Variants in FBXW11 observed in about 807,000 individuals in gnomAD.
FBXW11 encodes the protein F-box and WD repeat domain containing 11, also known as F-box/WD repeat-containing protein 11.
FBXW11 carries 19 observed loss-of-function variants against 77.6 expected under a neutral mutation model. The observed-to-expected ratio is 0.24, with a 90% CI of 0.17 to 0.36. The LOEUF (loss-of-function observed/expected upper bound fraction) is 0.36, where lower values mean the gene tolerates loss of function less well. Among genes scored for constraint, FBXW11 ranks in the 10% least tolerant of loss-of-function variants. The pLI is 1.00. For synonymous variants in FBXW11, 235 were observed against 249.4 expected, an observed-to-expected ratio of 0.94 and a Z score of 0.54; for missense variants, 334 against 704.2, an observed-to-expected ratio of 0.47 and a Z score of 5.95.
At position 172,006,554 on chromosome 5, in the gene FBXW11, GGGCGGAGGAGGCGAC is replaced by G. The variant is rs775718883; in HGVS notation, c.-67_-53del. On this transcript the variant is annotated 5_prime_UTR_variant, in exon 1 of 14. Coordinates refer to ENST00000517395, the MANE Select transcript of FBXW11 (RefSeq NM_001378974.1). ...CTCCCCGCGCAGCAGCGAACGGCCCGGGCGGAGGAGGCGACGGCGGAGGCGGCAGAGGCGGAGGCG... is the reference window on the plus strand; with the variant it reads ...CTCCCCGCGCAGCAGCGAACGGCCCGGGCGGAGGCGGCAGAGGCGGAGGCG... 1.7e-5 allele frequency: 25 copies of G among 1,460,488 alleles called. No individual in the cohort carries two copies. The African/African-American group carries it at 3.2e-4, about 19-fold the overall frequency. The allele number at this position is 1,460,488 out of a possible 1,614,324, so 90.5% of individuals were successfully genotyped here. A position where few individuals can be genotyped will look rare whatever the true frequency, so the allele number is the denominator to read the frequency against.
chr5:171,870,680 A>G, intron 11 of FBXW11, 68 bp downstream of exon 11: 1 of 1,194,014 alleles, frequency 8.4e-7, no homozygotes, highest in Non-Finnish European at 1.2e-6. Context: ...AGAGTTGCTT[A>G]ATATATAACA....
At chr5:171,942,657 G>C (rs1762809849) in intron 2 of FBXW11, among the ~76,000 whole-genome samples, 3 of 152,140 alleles carry the variant, frequency 2.0e-5, no homozygotes, top group Admixed American at 2.0e-4. Flanking sequence ...AAAAACACTA[G>C]CCAGGCGTGG....
chr5:171,899,948 G>T lies in FBXW11; in HGVS notation c.589C>A (p.Pro197Thr). The part of the protein sequence containing the change: ...KLIERMVRTD[P>T]LWKGLSERRG... ...CTTTCTGAAAGTCCTTTCCATAGGG[G>T]ATCAGTGCGTACCATTCGTTCAATC... Residue 197 changes from proline (P) to threonine (T), a missense_variant, in exon 5 of 14, where the codon CCC becomes ACC. This residue lies in a region of FBXW11 where 56 missense variants were observed against 144.9 expected (regional missense o/e 0.39). Coordinates refer to ENST00000517395, the MANE Select transcript of FBXW11 (RefSeq NM_001378974.1). The T allele has an allele frequency of 6.2e-7, 1 of 1,612,674 alleles. No individual in the cohort carries two copies. Among genetic ancestry groups the T allele is most frequent in the South Asian group, 1.1e-5 (1 of 90,770 alleles).
Position 171,869,723 on chromosome 5 carries a change from A to T in FBXW11, c.1530+6T>A, listed in dbSNP as rs769628453. ...GAACCAATTCCCGTCTCAAGAGATC[A>T]CATACCACCAATGTGCGCAAACACA... is the stretch of plus-strand genomic sequence containing the variant. On this transcript the variant is annotated splice_donor_region_variant and intron_variant, in intron 12 of 13. Coordinates refer to ENST00000517395, the MANE Select transcript of FBXW11 (RefSeq NM_001378974.1). This position sits in a 1 kb window ranked among gnomAD's most constrained non-coding sequence, Gnocchi z 4.1. 2.5e-6 allele frequency: 4 copies of T among 1,604,746 alleles called. No individual in the cohort carries two copies. The highest frequency in any genetic ancestry group is 2.6e-6 in the Non-Finnish European group (3 of 1,174,876).
chr5:171,913,307 T>C (rs1281678876), intron 3 of FBXW11, among the ~76,000 whole-genome samples: 1 of 152,220 alleles, frequency 6.6e-6, no homozygotes, highest in African/African-American at 2.4e-5. Context: ...CTGGCCTCCC[T>C]AGAGTGTTTG....
Position 171,868,782 on chromosome 5 carries a change from A to T in FBXW11, c.1545T>A (p.Arg515=), listed in dbSNP as rs774617023. 6.2e-7 allele frequency: 1 copy of T among 1,613,614 alleles called. No individual in the cohort carries two copies. The highest frequency in any genetic ancestry group is 1.1e-5 in the South Asian group (1 of 91,030). Residue 515 remains arginine, a synonymous_variant, in exon 13 of 14, where the codon CGT becomes CGA. Coordinates refer to ENST00000517395, the MANE Select transcript of FBXW11 (RefSeq NM_001378974.1). ...CLRTLVEHSG[R]VFRLQFDEFQ... ...ACTCATCAAACTGGAGCCGAAACAC[A>T]CGTCCAGAATGTTCCTATGAAATAC...
chr5:171,994,868 T>C (rs1011227770), intron 1 of FBXW11, among the ~76,000 whole-genome samples: 45 of 152,026 alleles, frequency 3.0e-4, no homozygotes, highest in African/African-American at 1.1e-3. Context: ...CGAAACCCCA[T>C]CCCTACTAAA....
In FBXW11 at chr5:171,868,813, T is replaced by C; in HGVS notation, c.1531-17A>G. ...AGAATGTTCCTATGAAATACAAAAC[T>C]TCATGAATAAAATGAGATCTTTACA... On this transcript the variant is annotated splice_polypyrimidine_tract_variant and intron_variant, in intron 12 of 13. Coordinates refer to ENST00000517395, the MANE Select transcript of FBXW11 (RefSeq NM_001378974.1). 3 of 1,604,282 alleles carry C rather than the reference T, an allele frequency of 1.9e-6. No individual in the cohort carries two copies. The highest frequency in any genetic ancestry group is 1.7e-6 in the Non-Finnish European group (2 of 1,175,944).
intron 2 of FBXW11, among the ~76,000 whole-genome samples, chr5:171,937,421 C>T (rs1295155694): frequency 3.3e-5 from 5 of 152,128 alleles, no homozygotes; most frequent in Admixed American, 3.3e-4. Flanking sequence ...ATATTTTGAG[C>T]TTTGCAGGAC....
At chr5:171,967,373 T>A (rs902533650) in intron 1 of FBXW11, among the ~76,000 whole-genome samples, 1 of 152,204 alleles carries the variant, frequency 6.6e-6, no homozygotes, top group African/African-American at 2.4e-5. Flanking sequence ...AGACAAACTA[T>A]TGTGTTTCTG....
intron 1 of FBXW11, among the ~76,000 whole-genome samples, chr5:172,004,347 C>T (rs1057159057): frequency 1.2e-4 from 19 of 152,250 alleles, no homozygotes; most frequent in Admixed American, 1.2e-3. Context: ...TATAACTAAA[C>T]TCTGTTAAAT....
intron 1 of FBXW11, among the ~76,000 whole-genome samples, chr5:171,963,335 C>T (rs1383664218): frequency 3.9e-5 from 6 of 152,096 alleles, no homozygotes; most frequent in African/African-American, 1.4e-4. Context: ...AAGAAGAATA[C>T]ATAGCATAAG....
At chr5:171,873,123 A>C (rs1757855976) in intron 9 of FBXW11, 133 bp from the exon 10 acceptor site, 7 of 739,162 alleles carry the variant, frequency 9.5e-6, no homozygotes, top group East Asian at 5.5e-5. Context: ...CCTCTAACTC[A>C]AAGTTGGGAG....
chr5:171,928,906 C>T (rs1302091852), intron 2 of FBXW11, among the ~76,000 whole-genome samples: 1 of 150,246 alleles, frequency 6.7e-6, no homozygotes, highest in Non-Finnish European at 1.5e-5. Flanking sequence ...ACCCCCGTCT[C>T]TACTAAAAAT....
intron 8 of FBXW11, among the ~76,000 whole-genome samples, chr5:171,877,541 A>G (rs1180237163): frequency 1.3e-5 from 2 of 152,116 alleles, no homozygotes; most frequent in Non-Finnish European, 2.9e-5. Context: ...AAGTTCACAT[A>G]GGGCAGAGGG....
At chr5:171,938,376 C>CA (rs1005184399) in intron 2 of FBXW11, among the ~76,000 whole-genome samples, 1 of 152,022 alleles carries the variant, frequency 6.6e-6, no homozygotes, top group Non-Finnish European at 1.5e-5. Flanking sequence ...AACAGATTTT[C>CA]AAAAAACATA....
Position 171,862,409 on chromosome 5 carries a change from A to G in FBXW11, c.*1718T>C, listed in dbSNP as rs191316262. 167 of 117,726 alleles carry G rather than the reference A, an allele frequency of 1.4e-3. No individual in the cohort carries two copies. Among genetic ancestry groups the G allele is most frequent in the African/African-American group, 5.4e-3 (159 of 29,502 alleles). 7.3% of individuals were successfully genotyped at this position (117,726 alleles called of 1,614,324 possible). A position where few individuals can be genotyped will look rare whatever the true frequency, so the allele number is the denominator to read the frequency against. ...CACACTGATCCCCACACCGTTCTCA[A>G]TGCAAAGGACAAATCAGAGCCCAGG... On this transcript the variant is annotated 3_prime_UTR_variant, in exon 14 of 14. Coordinates refer to ENST00000517395, the MANE Select transcript of FBXW11 (RefSeq NM_001378974.1).
chr5:171,979,121 C>G (rs1421680253), intron 1 of FBXW11, among the ~76,000 whole-genome samples: 2 of 152,036 alleles, frequency 1.3e-5, no homozygotes, highest in Admixed American at 6.6e-5. Flanking sequence ...AGGGAGACCC[C>G]ATTTTGTCTC....
chr5:171,893,431 A>C lies in FBXW11; in HGVS notation c.715-1827T>G, dbSNP rs1453344093. Among the ~76,000 whole-genome samples, 35 of 145,158 alleles carry C rather than the reference A, an allele frequency of 2.4e-4. 1 individual carries two copies. The highest frequency in any genetic ancestry group is 8.3e-4 in the African/African-American group (33 of 39,916). On this transcript the variant is annotated intron_variant, in intron 6 of 13. Coordinates refer to ENST00000517395, the MANE Select transcript of FBXW11 (RefSeq NM_001378974.1). ...AGCACACTTCAAAACCAAAAAAAAA[A>C]AAAAAAAAAAAAAAAACTAACCCAA...
Sources: gnomAD v4.1 joint callset for allele counts (sites outside exome capture counted in the v4.1 genomes callset) on GRCh38, gnomAD v4.1.1 for gene constraint, gnomAD v4.1.1 regional missense constraint, Gnocchi (gnomAD v3.1) non-coding constraint, MANE v1.5 for transcripts, NCBI Gene and HGNC (gene_info 2026-07-23, HGNC 2026-07-21) for gene names.